XIRP2: variants seen among roughly 807,000 people sequenced by gnomAD.
XIRP2 encodes the protein xin actin-binding repeat-containing protein 2.
XIRP2 carries 236 observed loss-of-function variants against 277.0 expected under a neutral mutation model. That is an observed-to-expected ratio of 0.85 (90% confidence interval 0.77 to 0.95). The LOEUF is 0.95. Ranked by LOEUF, XIRP2 falls within the 40% of genes least tolerant of loss-of-function variation. The pLI, the probability that XIRP2 is intolerant of heterozygous loss-of-function variation, is 0.00. For missense variants in XIRP2, 4,640 were observed against 4,157.5 expected (o/e 1.12, Z -3.19); for synonymous variants, 1,490 against 1,416.5 (o/e 1.05, Z -1.17).
chr2:166,932,375 C>T (rs953651908), intron 2 of XIRP2, among the ~76,000 whole-genome samples: 1 of 151,840 alleles, frequency 6.6e-6, no homozygotes, highest in Non-Finnish European at 1.5e-5. Flanking sequence ...AGCCACCACA[C>T]CTTTTTGTTT....
intron 3 of XIRP2, chr2:167,184,606 C>A (rs1031530976): frequency 2.8e-6 from 2 of 717,290 alleles, no homozygotes; most frequent in Admixed American, 2.0e-5. Flanking sequence ...TGACAAAGAC[C>A]CCCAAGAACA....
intron 3 of XIRP2, among the ~76,000 whole-genome samples, chr2:167,175,993 G>A (rs1023179145): frequency 6.6e-5 from 10 of 152,162 alleles, no homozygotes; most frequent in African/African-American, 2.2e-4. Context: ...ATCCCAGGTC[G>A]ACTTCAGAGT....
chr2:167,226,987 A>G (rs907746311), intron 5 of XIRP2, among the ~76,000 whole-genome samples: 1 of 152,080 alleles, frequency 6.6e-6, no homozygotes, highest in Admixed American at 6.6e-5. Context: ...AATTGATTTA[A>G]TTGTTCTGGA....
At chr2:167,052,189 G>T (rs140817617) in intron 2 of XIRP2, among the ~76,000 whole-genome samples, 2 of 152,012 alleles carry the variant, frequency 1.3e-5, no homozygotes, top group African/African-American at 4.8e-5. Flanking sequence ...AACAGCCTTG[G>T]AGACTAAATG....
chr2:166,966,738 G>A (rs1434971453), intron 2 of XIRP2, among the ~76,000 whole-genome samples: 3 of 151,966 alleles, frequency 2.0e-5, no homozygotes, highest in Non-Finnish European at 2.9e-5. Flanking sequence ...ATGGATAATA[G>A]AAGAAAGCAA....
At chr2:167,215,798 T>A (rs867940539) in intron 4 of XIRP2, among the ~76,000 whole-genome samples, 1 of 152,126 alleles carries the variant, frequency 6.6e-6, no homozygotes, top group Non-Finnish European at 1.5e-5. Flanking sequence ...TGGGCTTGAG[T>A]GCCTGCTGGG....
In XIRP2 at chr2:167,259,040, A is replaced by C. The variant is rs748818071; in HGVS notation, c.*1223A>C. The C allele has an allele frequency of 2.5e-6, 4 of 1,610,272 alleles. No homozygotes were observed. The highest frequency in any genetic ancestry group is 2.2e-5 in the East Asian group (1 of 44,698). On this transcript the variant is annotated 3_prime_UTR_variant, in exon 11 of 11. Coordinates refer to ENST00000409195, the MANE Select transcript of XIRP2 (RefSeq NM_152381.6). ...TAAAGGAAGCCATTCAAAGAGCAAA[A>C]ATTTACACTTTTTCTTTTCTAACAC...
intron 1 of XIRP2, among the ~76,000 whole-genome samples, chr2:166,902,069 A>T (rs573035541): frequency 2.0e-4 from 30 of 152,232 alleles, no homozygotes; most frequent in African/African-American, 7.0e-4. Flanking sequence ...GCCATGATGT[A>T]TATTTTACCA....
intron 2 of XIRP2, among the ~76,000 whole-genome samples, chr2:166,947,305 A>G (rs545545837): frequency 4.1e-4 from 63 of 152,220 alleles, no homozygotes; most frequent in African/African-American, 1.3e-3. Flanking sequence ...GAAGCCATTT[A>G]TTTTCATGAA....
intron 3 of XIRP2, among the ~76,000 whole-genome samples, chr2:167,150,799 A>G (rs1459646441): frequency 6.6e-6 from 1 of 152,074 alleles, no homozygotes; most frequent in Non-Finnish European, 1.5e-5. Flanking sequence ...AAGAATTGTT[A>G]AGCTGTAAAA....
At chr2:167,156,504 G>A (rs1692202924) in intron 3 of XIRP2, among the ~76,000 whole-genome samples, 1 of 152,078 alleles carries the variant, frequency 6.6e-6, no homozygotes, top group South Asian at 2.1e-4. Flanking sequence ...TAATTAAAGT[G>A]AATTATTTTA....
intron 2 of XIRP2, among the ~76,000 whole-genome samples, chr2:166,924,457 A>AT (rs1185468184): frequency 6.6e-6 from 1 of 151,842 alleles, no homozygotes; most frequent in Non-Finnish European, 1.5e-5. Flanking sequence ...CAAGTGTATC[A>AT]TTTTTTTCTT....
rs747324591 is a variant in XIRP2 at position 167,242,663 on chromosome 2, C to T, written c.1271C>T (p.Ser424Leu). 6 of 1,613,988 alleles carry T rather than the reference C, an allele frequency of 3.7e-6. No individual in the cohort carries two copies. The African/African-American group carries it at 5.3e-5, about 14-fold the overall frequency. ...CVSTSQRKET[S>L]TTRYSDHSVT... ...TCAACCAGCCAGAGGAAGGAAACATCAACTACAAGATATAGTGATCACAGT... is the reference window on the plus strand; with the variant it reads ...TCAACCAGCCAGAGGAAGGAAACATTAACTACAAGATATAGTGATCACAGT... Residue 424 changes from serine (S) to leucine (L), a missense_variant, in exon 9 of 11, where the codon TCA becomes TTA. Transcript: ENST00000409195.
In XIRP2 at chr2:167,251,325, A is replaced by AT; in HGVS notation, c.9934dup (p.Tyr3312LeufsTer2). 1 of 1,613,646 alleles carries AT rather than the reference A, an allele frequency of 6.2e-7. No homozygotes were observed. Among genetic ancestry groups the AT allele is most frequent in the Admixed American group, 1.7e-5 (1 of 59,974 alleles). On this transcript the variant is annotated frameshift_variant, in exon 9 of 11. Coordinates refer to ENST00000409195, the MANE Select transcript of XIRP2 (RefSeq NM_152381.6). LOFTEE classifies it high-confidence loss of function. ...CTCGCCTGTCAGAGCACACACAGAG[A>AT]TATGAAGCGGCCAACCGAACTGTTC...
chr2:167,168,836 G>A (rs1178690016), intron 3 of XIRP2, among the ~76,000 whole-genome samples: 4 of 151,966 alleles, frequency 2.6e-5, no homozygotes, highest in African/African-American at 7.2e-5. Context: ...GGATGATCTC[G>A]ATCTCCTGAC....
At chr2:167,062,802 A>G (rs771078440) in intron 2 of XIRP2, among the ~76,000 whole-genome samples, 11 of 152,050 alleles carry the variant, frequency 7.2e-5, no homozygotes, top group Non-Finnish European at 1.5e-4. Flanking sequence ...CTCTTTCATT[A>G]TGATATTCAA....
At chr2:167,214,325 A>T (rs1694178737) in intron 4 of XIRP2, among the ~76,000 whole-genome samples, 1 of 149,590 alleles carries the variant, frequency 6.7e-6, no homozygotes, top group Non-Finnish European at 1.5e-5. Context: ...GGAAGGAAGG[A>T]AGATAGCCAA....
intron 2 of XIRP2, among the ~76,000 whole-genome samples, chr2:166,958,814 A>G (rs972566264): frequency 1.3e-5 from 2 of 151,810 alleles, no homozygotes; most frequent in African/African-American, 2.4e-5. Flanking sequence ...TTATCCTAGT[A>G]TCTTACAATT....
intron 5 of XIRP2, among the ~76,000 whole-genome samples, chr2:167,219,421 A>G (rs1267351596): frequency 6.6e-6 from 1 of 151,676 alleles, no homozygotes; most frequent in Non-Finnish European, 1.5e-5. Context: ...TTAATAGTTT[A>G]AATAACAAAT....
Sources: gnomAD v4.1 joint callset for allele counts (sites outside exome capture counted in the v4.1 genomes callset) on GRCh38, gnomAD v4.1.1 for gene constraint, MANE v1.5 for transcripts, NCBI Gene and HGNC (gene_info 2026-07-23, HGNC 2026-07-21) for gene names.